The following ADARB2 variants were observed in gnomAD, a reference collection of about 807,000 sequenced individuals.
ADARB2 encodes the protein adenosine deaminase RNA specific B2 (inactive), also known as inactive double-stranded RNA-specific editase B2.
Under a neutral mutation model 62.2 loss-of-function variants are expected in ADARB2, and 25 were observed. That is an observed-to-expected ratio of 0.40 (90% CI 0.29 to 0.56). The LOEUF is 0.56. Ranked by LOEUF, ADARB2 falls within the 20% of genes least tolerant of loss-of-function variation. ADARB2 has a pLI of 0.43. For synonymous variants in ADARB2, 572 were observed against 500.8 expected, an observed-to-expected ratio of 1.14 and a Z score of -1.90; for missense variants, 1,071 against 1,077.4, an observed-to-expected ratio of 0.99 and a Z score of 0.08.
intron 3 of ADARB2, among the ~76,000 whole-genome samples, chr10:1,325,608 G>T (rs1248791203): frequency 1.3e-5 from 2 of 152,272 alleles, no homozygotes; most frequent in East Asian, 3.9e-4. Flanking sequence ...TTCAAAACGG[G>T]ACAAGACCCC....
chr10:1,510,166 T>A (rs1302615490), intron 1 of ADARB2, among the ~76,000 whole-genome samples: 12 of 127,692 alleles, frequency 9.4e-5, no homozygotes, highest in African/African-American at 3.4e-4. Flanking sequence ...CTTTCTTTCT[T>A]TCTTTTTCTT....
At chr10:1,695,963 GTGTA>G (rs111236387) in intron 1 of ADARB2, among the ~76,000 whole-genome samples, 1,752 of 152,248 alleles carry the variant, frequency 0.012, 28 homozygotes, top group African/African-American at 0.035. Context: ...GGATGCACAT[GTGTA>G]TGTGAGAGAA....
chr10:1,490,263 G>A (rs143649718), intron 1 of ADARB2, among the ~76,000 whole-genome samples: 5 of 152,274 alleles, frequency 3.3e-5, no homozygotes, highest in African/African-American at 1.2e-4. Flanking sequence ...ATAATGGGAT[G>A]ATAATAGCAG....
In ADARB2 at chr10:1,363,145, C is replaced by T; in HGVS notation, c.960G>A (p.Ser320=). 4 of 1,547,464 alleles carry T rather than the reference C, an allele frequency of 2.6e-6. No homozygotes were observed. The South Asian group carries it at 3.5e-5, about 14-fold the overall frequency. ...CCCGGGCCAGCTTCTTGCTGCGCCC[C>T]GAGCCCTCGAACGTCCTGCCGTCCA... is the stretch of plus-strand genomic sequence containing the variant. The part of the protein sequence containing the change: ...VSVDGRTFEG[S]GRSKKLARGQ... Residue 320 remains serine (S), a synonymous_variant, in exon 3 of 10, where the codon TCG becomes TCA. Transcript: ENST00000381312.
At chr10:1,628,187 C>T (rs1833795531) in intron 1 of ADARB2, among the ~76,000 whole-genome samples, 2 of 152,252 alleles carry the variant, frequency 1.3e-5, no homozygotes, top group Non-Finnish European at 1.5e-5. Flanking sequence ...CTCCTCTGGC[C>T]TCCCTGGCAT....
chr10:1,596,616 G>A (rs973393113), intron 1 of ADARB2, among the ~76,000 whole-genome samples: 3 of 152,216 alleles, frequency 2.0e-5, no homozygotes, highest in Non-Finnish European at 4.4e-5. Flanking sequence ...GGGCTGGGGA[G>A]GTGCCGAGGA....
chr10:1,516,150 C>T lies in ADARB2; in HGVS notation c.101-136990G>A, dbSNP rs190635186. Among the ~76,000 whole-genome samples the T allele has an allele frequency of 2.3e-3, 353 of 152,324 alleles. 1 individual carries two copies. The highest frequency in any genetic ancestry group is 4.5e-3 in the Non-Finnish European group (307 of 68,028). On this transcript the variant is annotated intron_variant, in intron 1 of 9. Coordinates refer to ENST00000381312, the MANE Select transcript of ADARB2 (RefSeq NM_018702.4). ...TGTGATACAGACCGGGGTGCTCTGA[C>T]CCTCTGGCAGGCTCAAGGCCGGCCT...
At chr10:1,598,250 T>TG in intron 1 of ADARB2, among the ~76,000 whole-genome samples, 1 of 151,490 alleles carries the variant, frequency 6.6e-6, no homozygotes, top group Admixed American at 6.6e-5. Flanking sequence ...GTGGGTGCAC[T>TG]GGGACATCCC....
intron 1 of ADARB2, among the ~76,000 whole-genome samples, chr10:1,658,227 A>T (rs1834197513): frequency 8.7e-5 from 11 of 126,924 alleles, no homozygotes; most frequent in South Asian, 5.2e-4. Flanking sequence ...TCTCTATCTG[A>T]TTCTCTCTCT....
chr10:1,638,857 C>A (rs1343067330), intron 1 of ADARB2, among the ~76,000 whole-genome samples: 1 of 152,182 alleles, frequency 6.6e-6, no homozygotes, highest in Non-Finnish European at 1.5e-5. Flanking sequence ...AATGGTGTGT[C>A]GGGGGCTCAC....
intron 6 of ADARB2, among the ~76,000 whole-genome samples, chr10:1,220,123 ATGG>A (rs2131757366): frequency 8.8e-6 from 1 of 114,092 alleles, no homozygotes; most frequent in East Asian, 2.8e-4. Flanking sequence ...GATGGTGATG[ATGG>A]TGAAGATAAT....
intron 8 of ADARB2, among the ~76,000 whole-genome samples, chr10:1,187,274 G>C (rs1254725647): frequency 6.6e-6 from 1 of 152,248 alleles, no homozygotes; most frequent in Non-Finnish European, 1.5e-5. Flanking sequence ...AGCCACCAAG[G>C]CCAGGGATGA....
At chr10:1,245,907 C>G (rs925310368) in intron 4 of ADARB2, among the ~76,000 whole-genome samples, 3 of 151,648 alleles carry the variant, frequency 2.0e-5, no homozygotes, top group African/African-American at 7.3e-5. Context: ...CCTGAGGAAT[C>G]ACCATACTGA....
intron 7 of ADARB2, 67 bp from the exon 8 acceptor site, chr10:1,200,214 C>A: frequency 6.5e-7 from 1 of 1,543,586 alleles, no homozygotes; most frequent in Non-Finnish European, 8.8e-7. Flanking sequence ...CCTCTCTGTC[C>A]GTCTGCGGCC....
intron 3 of ADARB2, among the ~76,000 whole-genome samples, chr10:1,271,971 C>G (rs982577588): frequency 2.0e-5 from 3 of 152,232 alleles, no homozygotes; most frequent in Non-Finnish European, 2.9e-5. Flanking sequence ...AGTGAATCAT[C>G]TTCATTTCCA....
chr10:1,384,122 C>A (rs1191221805), intron 1 of ADARB2, among the ~76,000 whole-genome samples: 1 of 152,192 alleles, frequency 6.6e-6, no homozygotes, highest in Non-Finnish European at 1.5e-5. Context: ...CTCCTCTCTG[C>A]AGAAGTAATC....
At chr10:1,229,761 T>C (rs989001617) in intron 6 of ADARB2, among the ~76,000 whole-genome samples, 1 of 42,542 alleles carries the variant, frequency 2.4e-5, no homozygotes, top group African/African-American at 8.0e-5. Flanking sequence ...TGATTACATG[T>C]GTGCACATAT....
intron 1 of ADARB2, among the ~76,000 whole-genome samples, chr10:1,656,419 C>T (rs1431540138): frequency 6.6e-6 from 1 of 152,150 alleles, no homozygotes; most frequent in African/African-American, 2.4e-5. Context: ...TTTGCAATCT[C>T]ATATTGTGCT....
At chr10:1,621,020 C>G (rs76461271) in intron 1 of ADARB2, among the ~76,000 whole-genome samples, 1,569 of 152,284 alleles carry the variant, frequency 0.01, 34 homozygotes, top group African/African-American at 0.036. Context: ...TCATGAGTGG[C>G]TGAGTGCTTT....
Sources: allele counts gnomAD v4.1 joint callset (sites outside exome capture counted in the v4.1 genomes callset), GRCh38; gene constraint gnomAD v4.1.1; transcripts MANE v1.5; gene names NCBI Gene and HGNC (gene_info 2026-07-23, HGNC 2026-07-21).